PDS5A: variants seen among roughly 807,000 people sequenced by gnomAD.
PDS5A encodes PDS5 cohesin associated factor A, also known as sister chromatid cohesion protein PDS5 homolog A.
PDS5A carries 42 observed loss-of-function variants against 167.1 expected under a neutral mutation model. The ratio of observed to expected loss-of-function variants is 0.25; its 90% CI spans 0.20 to 0.33. PDS5A has a LOEUF of 0.33. Ranked by LOEUF, PDS5A falls within the 10% of genes least tolerant of loss-of-function variation. PDS5A has a pLI of 1.00. For synonymous variants in PDS5A, 553 were observed against 554.6 expected, an observed-to-expected ratio of 1.00 and a Z score of 0.04; for missense variants, 1,033 against 1,605.9, an observed-to-expected ratio of 0.64 and a Z score of 6.10.
intron 31 of PDS5A, among the ~76,000 whole-genome samples, chr4:39,838,493 G>A (rs1466362012): frequency 6.6e-6 from 1 of 152,186 alleles, no homozygotes; most frequent in Non-Finnish European, 1.5e-5. Context: ...AGGCTAAAGC[G>A]GGAGGATCGC....
At chr4:39,894,203 T>C (rs1354691961) in intron 16 of PDS5A, among the ~76,000 whole-genome samples, 1 of 151,588 alleles carries the variant, frequency 6.6e-6, no homozygotes, top group Non-Finnish European at 1.5e-5. Context: ...AGTCCAAGAG[T>C]TCAAGACCAG....
Position 39,975,571 on chromosome 4 carries a change from AG to A in PDS5A, c.138+868del. Among the ~76,000 whole-genome samples the A allele has an allele frequency of 4.6e-5, 7 of 152,282 alleles. No individual in the cohort carries two copies. In the East Asian group the frequency reaches 1.4e-3, roughly 29 times the overall value. On this transcript the variant is annotated intron_variant, in intron 2 of 32. Transcript: ENST00000303538. ...TTACCAATGCCATAGCCCTACCTGA[AG>A]ATTTCAACGTCTTTCACCTAGACTA...
chr4:39,887,915 GACAA>G (rs1309212170), intron 17 of PDS5A, among the ~76,000 whole-genome samples: 4 of 151,648 alleles, frequency 2.6e-5, no homozygotes, highest in Admixed American at 1.3e-4. Flanking sequence ...AAAAACACCA[GACAA>G]ACAAAAAATC....
intron 17 of PDS5A, among the ~76,000 whole-genome samples, chr4:39,883,716 A>G (rs1453383265): frequency 6.6e-6 from 1 of 151,874 alleles, no homozygotes; most frequent in Non-Finnish European, 1.5e-5. Context: ...GCTCACTGCA[A>G]TCTCTGCTTC....
rs748658381 is a variant in PDS5A at position 39,920,396 on chromosome 4, A to C, written c.658T>G (p.Leu220Val). Residue 220 changes from leucine to valine, a missense_variant, in exon 7 of 33, where the codon TTA (leucine) becomes GTA (valine). This residue lies in a region of PDS5A where 388 missense variants were observed against 615.1 expected (regional missense o/e 0.63). Transcript: ENST00000303538. ...GCAAGGTCAAAGGACTGTTTATTTAAGTTCTGAAAAATAATAAAAACATGG... is the reference window on the plus strand; with the variant it reads ...GCAAGGTCAAAGGACTGTTTATTTACGTTCTGAAAAATAATAAAAACATGG... ...LINLIPAHKN[L>V]NKQSFDLAKV... 5 of 1,466,394 alleles carry C rather than the reference A, an allele frequency of 3.4e-6. No homozygotes were observed. Among genetic ancestry groups the C allele is most frequent in the Non-Finnish European group, 2.8e-6 (3 of 1,056,114 alleles). 90.8% of individuals were successfully genotyped at this position (1,466,394 alleles called of 1,614,324 possible).
chr4:39,888,690 C>CA (rs3070900), intron 17 of PDS5A, among the ~76,000 whole-genome samples: 23 of 149,402 alleles, frequency 1.5e-4, no homozygotes, highest in Admixed American at 4.7e-4. Context: ...CCAAGAACAA[C>CA]AAAAAAAAAA....
At chr4:39,867,753 CACACACACACACACACACACA>C (rs1560439855) in intron 22 of PDS5A, among the ~76,000 whole-genome samples, 3 of 149,354 alleles carry the variant, frequency 2.0e-5, no homozygotes, top group African/African-American at 7.5e-5. Context: ...CACACACACA[CACACACACACACACACACACA>C]CCCCACAACT....
intron 26 of PDS5A, among the ~76,000 whole-genome samples, chr4:39,850,814 C>T (rs1718061545): frequency 6.6e-6 from 1 of 152,182 alleles, no homozygotes; most frequent in Admixed American, 6.5e-5. Context: ...TCAGGCTGAA[C>T]ATTAGAATTG....
At chr4:39,893,346 G>A (rs142150081) in intron 16 of PDS5A, among the ~76,000 whole-genome samples, 7 of 152,122 alleles carry the variant, frequency 4.6e-5, no homozygotes, top group South Asian at 2.1e-4. Flanking sequence ...ACAAATACAC[G>A]TCTCTTTTGA....
At chr4:39,862,842 G>T (rs2109546910) in intron 25 of PDS5A, 27 bp downstream of exon 25, 1 of 1,387,690 alleles carries the variant, frequency 7.2e-7, no homozygotes, top group Non-Finnish European at 1.0e-6. Context: ...AAATATATTT[G>T]CACACGGAGA....
At chr4:39,968,613 G>C (rs1730211593) in intron 2 of PDS5A, among the ~76,000 whole-genome samples, 1 of 151,324 alleles carries the variant, frequency 6.6e-6, no homozygotes, top group Admixed American at 6.6e-5. Flanking sequence ...TATATTTTTA[G>C]TAGAGACAGG....
intron 13 of PDS5A, among the ~76,000 whole-genome samples, chr4:39,901,635 A>C (rs1722896833): frequency 6.6e-6 from 1 of 152,058 alleles, no homozygotes; most frequent in Non-Finnish European, 1.5e-5. Context: ...AAACAGTCAA[A>C]TTCCTAACTC....
At chr4:39,927,645 G>A (rs1725587254) in intron 3 of PDS5A, among the ~76,000 whole-genome samples, 1 of 152,138 alleles carries the variant, frequency 6.6e-6, no homozygotes, top group Non-Finnish European at 1.5e-5. Context: ...ATTTTAAAAA[G>A]TATCATTAAT....
At chr4:39,947,755 C>A (rs940442383) in intron 2 of PDS5A, among the ~76,000 whole-genome samples, 3 of 152,142 alleles carry the variant, frequency 2.0e-5, no homozygotes, top group Non-Finnish European at 2.9e-5. Flanking sequence ...TAAGAACCCA[C>A]TTTTTGGGTA....
intron 26 of PDS5A, among the ~76,000 whole-genome samples, chr4:39,860,964 G>T (rs1718934377): frequency 6.6e-6 from 1 of 151,700 alleles, no homozygotes; most frequent in African/African-American, 2.4e-5. Flanking sequence ...TACTCAGGAA[G>T]ATGAGGTAGG....
intron 31 of PDS5A, among the ~76,000 whole-genome samples, chr4:39,839,912 G>A (rs557407754): frequency 5.3e-5 from 8 of 151,946 alleles, no homozygotes; most frequent in African/African-American, 1.9e-4. Flanking sequence ...TGGCCAACAT[G>A]GTGAAACCCC....
chr4:39,882,197 G>A (rs1290377423), intron 17 of PDS5A, among the ~76,000 whole-genome samples: 3 of 152,110 alleles, frequency 2.0e-5, no homozygotes, highest in Non-Finnish European at 4.4e-5. Flanking sequence ...TTTCCCAAAT[G>A]AGTATTAATA....
chr4:39,896,331 C>A (rs1410980264), intron 16 of PDS5A, among the ~76,000 whole-genome samples: 1 of 150,330 alleles, frequency 6.7e-6, no homozygotes, highest in African/African-American at 2.5e-5. Flanking sequence ...CAGGTGTGAG[C>A]CAATGTACTG....
At chr4:39,968,123 T>G (rs1730159745) in intron 2 of PDS5A, among the ~76,000 whole-genome samples, 1 of 152,122 alleles carries the variant, frequency 6.6e-6, no homozygotes, top group Admixed American at 6.6e-5. Context: ...TATTTTATTT[T>G]TTTAATTTTT....
Sources: allele counts gnomAD v4.1 joint callset (sites outside exome capture counted in the v4.1 genomes callset), GRCh38; gene constraint gnomAD v4.1.1; regional missense constraint gnomAD v4.1.1; transcripts MANE v1.5; gene names NCBI Gene and HGNC (gene_info 2026-07-23, HGNC 2026-07-21).